Variants in AK9 observed in about 807,000 individuals in gnomAD.
The protein encoded by AK9 is adenylate kinase domain containing 1.
A neutral mutation model predicts 239.6 loss-of-function variants in AK9; 191 were observed. That is an observed-to-expected ratio of 0.80 (90% CI 0.71 to 0.90). AK9 has a LOEUF of 0.90. AK9 is among the 40% of genes least tolerant of loss of function. The pLI is 0.00. For synonymous variants in AK9, 689 were observed against 721.0 expected (o/e 0.96, Z 0.71); for missense variants, 1,995 against 2,214.7 (o/e 0.90, Z 1.99).
At chr6:109,689,501 C>G (rs1774012914) in intron 1 of AK9, among the ~76,000 whole-genome samples, 1 of 152,236 alleles carries the variant, frequency 6.6e-6, no homozygotes, top group Non-Finnish European at 1.5e-5. Context: ...TCTGCCCTAT[C>G]AGGCTTCATC....
intron 24 of AK9, among the ~76,000 whole-genome samples, chr6:109,559,195 GTCTC>G (rs1428269620): frequency 2.7e-5 from 4 of 149,926 alleles, no homozygotes; most frequent in Non-Finnish European, 5.9e-5. Context: ...TTGAGATGGG[GTCTC>G]TCTCTGTCGC....
intron 32 of AK9, among the ~76,000 whole-genome samples, chr6:109,509,842 A>G (rs965463850): frequency 6.6e-6 from 1 of 152,018 alleles, no homozygotes; most frequent in Non-Finnish European, 1.5e-5. Flanking sequence ...CCCTGGGTGC[A>G]GCTTGGGGGG....
chr6:109,525,518 TAAAAG>T (rs1780378138), intron 29 of AK9, among the ~76,000 whole-genome samples: 2 of 151,896 alleles, frequency 1.3e-5, no homozygotes, highest in South Asian at 4.2e-4. Flanking sequence ...AACAGACACT[TAAAAG>T]AAAACATAGA....
At chr6:109,687,505 G>A (rs926232172) in intron 1 of AK9, among the ~76,000 whole-genome samples, 1 of 152,218 alleles carries the variant, frequency 6.6e-6, no homozygotes, top group African/African-American at 2.4e-5. Context: ...CTTGGAAGAA[G>A]TAAGCTGCCA....
At chr6:109,513,922 C>T (rs1336084208) in intron 32 of AK9, among the ~76,000 whole-genome samples, 5 of 152,152 alleles carry the variant, frequency 3.3e-5, no homozygotes, top group Non-Finnish European at 7.3e-5. Flanking sequence ...AAACCCCCAC[C>T]GAATCAGCAG....
At chr6:109,567,776 T>G (rs1251489370) in intron 21 of AK9, among the ~76,000 whole-genome samples, 3 of 148,658 alleles carry the variant, frequency 2.0e-5, no homozygotes, top group Admixed American at 6.7e-5. Context: ...GAGATATACC[T>G]AATGCAAATG....
At position 109,671,069 on chromosome 6, in the gene AK9, G is replaced by C. The variant is rs1583520269; in HGVS notation, c.331+850C>G. 2.0e-5 allele frequency among the ~76,000 whole-genome samples: 3 copies of C among 152,200 alleles called. No homozygotes were observed. In the East Asian group the frequency reaches 5.8e-4, roughly 29 times the overall value. ...CTATACACATGAGCTATATGAAAAGGAATCTTTTTGTCTATAGATAGAAAC... is the reference window on the plus strand; with the variant it reads ...CTATACACATGAGCTATATGAAAAGCAATCTTTTTGTCTATAGATAGAAAC... On this transcript the variant is annotated intron_variant, in intron 5 of 40. Coordinates refer to ENST00000424296, the MANE Select transcript of AK9 (RefSeq NM_001145128.3).
At chr6:109,636,393 T>C (rs1234074625) in intron 10 of AK9, among the ~76,000 whole-genome samples, 4 of 152,072 alleles carry the variant, frequency 2.6e-5, no homozygotes, top group African/African-American at 9.7e-5. Flanking sequence ...GTTTTTTTAA[T>C]TGTGGCAAAA....
chr6:109,579,169 C>T (rs1222076078), intron 20 of AK9, among the ~76,000 whole-genome samples: 4 of 152,176 alleles, frequency 2.6e-5, no homozygotes, highest in Non-Finnish European at 5.9e-5. Context: ...GATTTGCTGT[C>T]TTCTCAACTC....
chr6:109,560,800 T>G (rs1430550539), intron 24 of AK9, among the ~76,000 whole-genome samples: 1 of 152,174 alleles, frequency 6.6e-6, no homozygotes, highest in African/African-American at 2.4e-5. Context: ...CTAGGAAGTA[T>G]TCTCTCCTCT....
chr6:109,559,295 G>A (rs1335487783), intron 24 of AK9, among the ~76,000 whole-genome samples: 1 of 152,074 alleles, frequency 6.6e-6, no homozygotes, highest in South Asian at 2.1e-4. Flanking sequence ...AGCCTCCCGA[G>A]TAGCTGGGAC....
intron 17 of AK9, among the ~76,000 whole-genome samples, chr6:109,595,128 T>C (rs1790841460): frequency 6.6e-6 from 1 of 152,212 alleles, no homozygotes; most frequent in South Asian, 2.1e-4. Flanking sequence ...AGGGCTAATA[T>C]CCAGAATCTA....
At chr6:109,545,750 C>T in intron 26 of AK9, 117 bp downstream of exon 26, 1 of 1,286,354 alleles carries the variant, frequency 7.8e-7, no homozygotes, top group East Asian at 2.4e-5. Flanking sequence ...CTTTGGTGAG[C>T]TGTGATTGTG....
chr6:109,598,634 C>T (rs1177560170), intron 17 of AK9, among the ~76,000 whole-genome samples: 2 of 152,114 alleles, frequency 1.3e-5, no homozygotes, highest in Admixed American at 6.6e-5. Context: ...TTCTAGATCC[C>T]TGAGGAATCG....
At chr6:109,565,487 T>TAAAA (rs752477568) in intron 21 of AK9, among the ~76,000 whole-genome samples, 8 of 145,778 alleles carry the variant, frequency 5.5e-5, no homozygotes, top group Non-Finnish European at 9.2e-5. Flanking sequence ...AAAAAAAAAT[T>TAAAA]TTTTTTCAAG....
At chr6:109,498,056 A>T in intron 36 of AK9, 91 bp from the exon 37 acceptor site, 1 of 1,261,130 alleles carries the variant, frequency 7.9e-7, no homozygotes, top group South Asian at 1.3e-5. Flanking sequence ...CACCCTCCCC[A>T]TTTTCAGTAG....
intron 12 of AK9, among the ~76,000 whole-genome samples, chr6:109,621,909 A>C (rs1315078226): frequency 1.5e-4 from 6 of 39,828 alleles, no homozygotes; most frequent in Admixed American, 4.2e-4. Context: ...AAAAAAAAAA[A>C]AAACAAAAAA....
At chr6:109,583,343 T>G (rs2128209858) in intron 19 of AK9, among the ~76,000 whole-genome samples, 1 of 152,282 alleles carries the variant, frequency 6.6e-6, no homozygotes, top group Admixed American at 6.5e-5. Context: ...TGACAGAAAT[T>G]ATCTTGCCAT....
rs535996846 is a variant in AK9 at position 109,583,335 on chromosome 6, A to G, written c.2114+1788T>C. Among the ~76,000 whole-genome samples the G allele has an allele frequency of 2.6e-5, 4 of 152,304 alleles. No individual in the cohort carries two copies. The South Asian group carries it at 8.3e-4, about 32-fold the overall frequency. On this transcript the variant is annotated intron_variant, in intron 19 of 40. Transcript: ENST00000424296. ...AGATGATCCAATGACTAACAATATGACAGAAATTATCTTGCCATTTGACTA... is the reference window on the plus strand; with the variant it reads ...AGATGATCCAATGACTAACAATATGGCAGAAATTATCTTGCCATTTGACTA...
Sources: allele counts gnomAD v4.1 joint callset (sites outside exome capture counted in the v4.1 genomes callset), GRCh38; gene constraint gnomAD v4.1.1; transcripts MANE v1.5; gene names NCBI Gene and HGNC (gene_info 2026-07-23, HGNC 2026-07-21).